The following RELN variants were observed in gnomAD, a reference collection of about 807,000 sequenced individuals.
RELN encodes reelin.
A neutral mutation model predicts 427.6 loss-of-function variants in RELN; 108 were observed. The observed-to-expected ratio is 0.25, with a 90% CI of 0.22 to 0.30. The LOEUF is 0.30. RELN is among the 10% of genes least tolerant of loss of function. The pLI is 1.00. For missense variants in RELN, 3,715 were observed against 4,302.8 expected (o/e 0.86, Z 3.82); for synonymous variants, 1,524 against 1,513.4 (o/e 1.01, Z -0.16).
At chr7:103,980,107 G>A (rs10248660) in intron 1 of RELN, among the ~76,000 whole-genome samples, 1 of 151,002 alleles carries the variant, frequency 6.6e-6, no homozygotes, top group Non-Finnish European at 1.5e-5. Context: ...TTTCGTTGAC[G>A]GAAGATCATG....
chr7:103,562,070 TTC>T, intron 34 of RELN, 117 bp from the exon 35 acceptor site: 2 of 1,216,214 alleles, frequency 1.6e-6, no homozygotes, highest in South Asian at 1.4e-5. Flanking sequence ...CAGGGTCCAG[TTC>T]TCTCTTTCTT....
intron 3 of RELN, among the ~76,000 whole-genome samples, chr7:103,793,428 C>A (rs1325853594): frequency 6.6e-6 from 1 of 152,122 alleles, no homozygotes. Flanking sequence ...TGATTTTATT[C>A]TGTGTCCTCC....
chr7:103,910,396 C>T (rs930517629), intron 2 of RELN, among the ~76,000 whole-genome samples: 7 of 151,340 alleles, frequency 4.6e-5, no homozygotes, highest in Non-Finnish European at 7.4e-5. Flanking sequence ...TAATTGAATA[C>T]CCTTTATTTC....
chr7:103,490,265 C>T (rs1040557904), intron 59 of RELN, among the ~76,000 whole-genome samples: 2 of 152,304 alleles, frequency 1.3e-5, no homozygotes, highest in South Asian at 2.1e-4. Context: ...CTTTGTGTAA[C>T]CTGTCAGCCC....
intron 2 of RELN, among the ~76,000 whole-genome samples, chr7:103,915,709 C>T (rs1464642771): frequency 6.6e-6 from 1 of 152,092 alleles, no homozygotes; most frequent in African/African-American, 2.4e-5. Flanking sequence ...CCTAGAAGGT[C>T]TTATTCCAAA....
In RELN at chr7:103,585,842, C is replaced by G. The variant is rs181422487; in HGVS notation, c.4145+3754G>C. Among the ~76,000 whole-genome samples the G allele has an allele frequency of 2.2e-3, 335 of 152,156 alleles. 1 individual carries two copies. The highest frequency in any genetic ancestry group is 4.1e-3 in the Admixed American group (62 of 15,280). On this transcript the variant is annotated intron_variant, in intron 28 of 64. Coordinates refer to ENST00000428762, the MANE Select transcript of RELN (RefSeq NM_005045.4). ...CAGCAAACTGAAAACAACAGCACAT[C>G]GAAAAGATATACATCATGATTGAAT...
chr7:103,819,368 CA>C (rs1448123891), intron 3 of RELN, among the ~76,000 whole-genome samples: 1 of 151,680 alleles, frequency 6.6e-6, no homozygotes, highest in African/African-American at 2.4e-5. Context: ...TACAAAAAAA[CA>C]AAAACAAAAA....
chr7:103,482,857 T>A lies in RELN; in HGVS notation c.10280+16A>T. The A allele has an allele frequency of 6.2e-7, 1 of 1,614,072 alleles. No homozygotes were observed. Among genetic ancestry groups the A allele is most frequent in the East Asian group, 2.2e-5 (1 of 44,870 alleles). The stretch of plus-strand genomic sequence containing the variant: ...TTCCTGAAATGGACATGGGATGCCA[T>A]GTAATAGATACTCACAGGACGACCT... On this transcript the variant is annotated intron_variant, in intron 63 of 64. Transcript: ENST00000428762.
In RELN at chr7:103,509,656, G is replaced by T. The variant is rs533915095; in HGVS notation, c.8274+1195C>A. 3.9e-5 allele frequency among the ~76,000 whole-genome samples: 6 copies of T among 152,124 alleles called. No individual in the cohort carries two copies. In the East Asian group the frequency reaches 1.2e-3, roughly 29 times the overall value. On this transcript the variant is annotated intron_variant, in intron 51 of 64. Transcript: ENST00000428762. ...CAACAAAAGCCAAAGTAGACCAATG[G>T]GATCTAATTAAACTAAAGAGCTCCT...
At chr7:103,976,585 T>C (rs1368049010) in intron 1 of RELN, among the ~76,000 whole-genome samples, 2 of 152,104 alleles carry the variant, frequency 1.3e-5, no homozygotes, top group Non-Finnish European at 1.5e-5. Flanking sequence ...GGCCTTAATA[T>C]AGCTGGAGAG....
intron 46 of RELN, among the ~76,000 whole-genome samples, chr7:103,526,987 C>G (rs1445317372): frequency 6.6e-6 from 1 of 152,156 alleles, no homozygotes; most frequent in South Asian, 2.1e-4. Flanking sequence ...TATACCATTT[C>G]TTTCCCATCT....
At chr7:103,904,975 C>CTTTTTTTTTCTTTTTTT (rs1795164883) in intron 2 of RELN, among the ~76,000 whole-genome samples, 1 of 77,328 alleles carries the variant, frequency 1.3e-5, no homozygotes, top group African/African-American at 4.8e-5. Flanking sequence ...AAGTTCTTTC[C>CTTTTTTTTTCTTTTTTT]TTTTTTTTTT....
intron 6 of RELN, among the ~76,000 whole-genome samples, chr7:103,737,585 C>T (rs1489483876): frequency 1.3e-5 from 2 of 152,312 alleles, no homozygotes; most frequent in African/African-American, 4.8e-5. Flanking sequence ...GAATAACTCA[C>T]CCATCATCTT....
chr7:103,635,324 G>T, intron 19 of RELN, 101 bp downstream of exon 19: 1 of 1,316,570 alleles, frequency 7.6e-7, no homozygotes, highest in Middle Eastern at 2.6e-4. Context: ...CGCTCCATCT[G>T]TCAATGGAAA....
Position 103,770,172 on chromosome 7 carries a change from C to A in RELN, c.544+6385G>T, listed in dbSNP as rs1380079636. ...TGATTTCGGCTCACTGCTACCCCCA[C>A]CTCCTGGGTTCAAGCAATTCTCCTG... On this transcript the variant is annotated intron_variant, in intron 4 of 64. Coordinates refer to ENST00000428762, the MANE Select transcript of RELN (RefSeq NM_005045.4). 4.6e-5 allele frequency among the ~76,000 whole-genome samples: 7 copies of A among 152,288 alleles called. 1 individual carries two copies. Among genetic ancestry groups the A allele is most frequent in the Admixed American group, 6.5e-5 (1 of 15,304 alleles).
At chr7:103,595,896 CCCCAAA>C (rs1410734935) in intron 25 of RELN, among the ~76,000 whole-genome samples, 1 of 152,078 alleles carries the variant, frequency 6.6e-6, no homozygotes, top group East Asian at 1.9e-4. Flanking sequence ...CGAGTCATCT[CCCCAAA>C]CTCTTCAACA....
intron 2 of RELN, among the ~76,000 whole-genome samples, chr7:103,904,225 T>TGTACCACATTTTCCAATG (rs1795145252): frequency 6.6e-6 from 1 of 152,296 alleles, no homozygotes; most frequent in East Asian, 1.9e-4. Context: ...ATAGTGTATA[T>TGTACCACATTTTCCAATG]GTACCACATT....
intron 49 of RELN, among the ~76,000 whole-genome samples, chr7:103,518,824 C>T (rs1215543169): frequency 5.3e-5 from 8 of 152,098 alleles, no homozygotes; most frequent in Non-Finnish European, 8.8e-5. Context: ...TCATTGCTTT[C>T]GGCCCTTCAG....
intron 64 of RELN, among the ~76,000 whole-genome samples, chr7:103,474,820 ACTC>A (rs1827977492): frequency 1.3e-5 from 2 of 150,632 alleles, no homozygotes; most frequent in Admixed American, 1.3e-4. Flanking sequence ...AAAAAAAAAA[ACTC>A]CACTGAAAGG....
Sources: gnomAD v4.1 joint callset for allele counts (sites outside exome capture counted in the v4.1 genomes callset) on GRCh38, gnomAD v4.1.1 for gene constraint, MANE v1.5 for transcripts, NCBI Gene and HGNC (gene_info 2026-07-23, HGNC 2026-07-21) for gene names.